HAO1: variants seen among roughly 807,000 people sequenced by gnomAD.
HAO1 encodes the protein hydroxyacid oxidase 1, also known as 2-Hydroxyacid oxidase 1.
Under a neutral mutation model 39.7 loss-of-function variants are expected in HAO1, and 34 were observed. The observed-to-expected ratio is 0.86, with a 90% CI of 0.65 to 1.14. The LOEUF (loss-of-function observed/expected upper bound fraction) is 1.14, where lower values mean the gene tolerates loss of function less well. HAO1 is among the 50% of genes most tolerant of loss of function. HAO1 has a pLI of 0.00. For synonymous variants in HAO1, 172 were observed against 173.2 expected (o/e 0.99, Z 0.05); for missense variants, 479 against 464.5 (o/e 1.03, Z -0.29).
chr20:7,895,654 C>G (rs1001637156), intron 4 of HAO1, among the ~76,000 whole-genome samples: 1 of 150,596 alleles, frequency 6.6e-6, no homozygotes, highest in Admixed American at 6.6e-5. Context: ...GTGGACAAAC[C>G]TATTTCAAAA....
intron 5 of HAO1, among the ~76,000 whole-genome samples, chr20:7,887,921 A>G (rs1416535698): frequency 1.3e-5 from 2 of 152,164 alleles, no homozygotes; most frequent in Non-Finnish European, 2.9e-5. Context: ...CTGCAGTTTT[A>G]CTAGGTGTAT....
Position 7,911,169 on chromosome 20 carries a change from G to A in HAO1, c.545+2995C>T, listed in dbSNP as rs570967210. Among the ~76,000 whole-genome samples, 93 of 152,302 alleles carry A rather than the reference G, an allele frequency of 6.1e-4. 2 individuals are homozygous for A. The South Asian group carries it at 0.017, about 28-fold the overall frequency. On this transcript the variant is annotated intron_variant, in intron 3 of 7. Coordinates refer to ENST00000378789, the MANE Select transcript of HAO1 (RefSeq NM_017545.3). ...TACGCAGTGAGGCAGAGGTCATGGA[G>A]ACCTATTCACATTGAGTCTACTTTA...
At chr20:7,897,952 G>T (rs934312612) in intron 4 of HAO1, among the ~76,000 whole-genome samples, 4 of 152,090 alleles carry the variant, frequency 2.6e-5, no homozygotes, top group African/African-American at 9.7e-5. Context: ...GTAAGAAAAT[G>T]CAGGAAATGT....
At position 7,940,401 on chromosome 20, in the gene HAO1, T is replaced by C. The variant is rs369406179; in HGVS notation, c.22A>G (p.Ile8Val). 1.9e-6 allele frequency: 3 copies of C among 1,610,478 alleles called. No individual in the cohort carries two copies. The highest frequency in any genetic ancestry group is 2.5e-6 in the Non-Finnish European group (3 of 1,178,982). ...TTAGCATGTTGTTCATAATCATTGA[T>C]ACAAATTAGCCGGGGGAGCATTTTC... is the stretch of plus-strand genomic sequence containing the variant. MLPRLIC[I>V]NDYEQHAKSV... Residue 8 changes from isoleucine to valine, a missense_variant, in exon 1 of 8, where the codon ATC becomes GTC. Ile to Val is a conservative substitution (Grantham distance 29). Coordinates refer to ENST00000378789, the MANE Select transcript of HAO1 (RefSeq NM_017545.3).
At chr20:7,934,325 G>A (rs1212736305) in intron 2 of HAO1, among the ~76,000 whole-genome samples, 159 bp downstream of exon 2, 2 of 152,212 alleles carry the variant, frequency 1.3e-5, no homozygotes, top group African/African-American at 2.4e-5. Context: ...AAGAAGAGGA[G>A]CAGGACATGC....
chr20:7,884,965 G>T (rs1295647142), intron 7 of HAO1, among the ~76,000 whole-genome samples: 6 of 152,190 alleles, frequency 3.9e-5, no homozygotes, highest in Non-Finnish European at 8.8e-5. Context: ...CCAGGGCGGT[G>T]GCAGTGGAGA....
intron 2 of HAO1, among the ~76,000 whole-genome samples, chr20:7,921,809 A>G (rs1028541806): frequency 2.0e-5 from 3 of 152,178 alleles, no homozygotes; most frequent in African/African-American, 7.2e-5. Context: ...TTGCACCAAC[A>G]TGGATGCAGC....
intron 1 of HAO1, among the ~76,000 whole-genome samples, chr20:7,936,547 T>TGTGTGTGTGTGTG (rs751822933): frequency 1.1e-3 from 152 of 136,590 alleles, no homozygotes; most frequent in South Asian, 1.7e-3. Context: ...TGTGTGTGTG[T>TGTGTGTGTGTGTG]TCGCGCGCGC....
chr20:7,908,387 T>C (rs1374354673), intron 3 of HAO1, among the ~76,000 whole-genome samples: 1 of 143,956 alleles, frequency 6.9e-6, no homozygotes, highest in Non-Finnish European at 1.5e-5. Flanking sequence ...AGACTCTGTC[T>C]CAAAATAAAA....
At chr20:7,909,365 ATATATATATATATG>A (rs1434905888) in intron 3 of HAO1, among the ~76,000 whole-genome samples, 8 of 96,028 alleles carry the variant, frequency 8.3e-5, no homozygotes, top group African/African-American at 5.1e-4. Context: ...TATGACATAT[ATATATATATATATG>A]TATATATATA....
chr20:7,919,897 T>C (rs1328022802), intron 2 of HAO1, among the ~76,000 whole-genome samples: 1 of 152,218 alleles, frequency 6.6e-6, no homozygotes, highest in Non-Finnish European at 1.5e-5. Flanking sequence ...TTTATATTTA[T>C]TTTTAATTGG....
At chr20:7,895,556 A>G (rs2050193359) in intron 4 of HAO1, among the ~76,000 whole-genome samples, 1 of 152,118 alleles carries the variant, frequency 6.6e-6, no homozygotes, top group East Asian at 1.9e-4. Flanking sequence ...ATACCATTTT[A>G]TCATTTAGCA....
At chr20:7,920,643 T>G (rs920681696) in intron 2 of HAO1, among the ~76,000 whole-genome samples, 5 of 152,236 alleles carry the variant, frequency 3.3e-5, no homozygotes, top group East Asian at 1.9e-4. Context: ...GAGACCTACC[T>G]TTTTAGATTC....
chr20:7,911,130 G>A (rs900766274), intron 3 of HAO1, among the ~76,000 whole-genome samples: 4 of 152,210 alleles, frequency 2.6e-5, no homozygotes, highest in African/African-American at 7.2e-5. Flanking sequence ...AAGAGTGGGT[G>A]AGGATGTGAG....
At chr20:7,903,134 G>A (rs2050228308) in intron 4 of HAO1, among the ~76,000 whole-genome samples, 1 of 152,194 alleles carries the variant, frequency 6.6e-6, no homozygotes. Flanking sequence ...GATCCAGATT[G>A]AGCATATGTG....
chr20:7,898,973 A>C (rs1002802709), intron 4 of HAO1, among the ~76,000 whole-genome samples: 1 of 152,054 alleles, frequency 6.6e-6, no homozygotes, highest in African/African-American at 2.4e-5. Flanking sequence ...AAACCACTTA[A>C]ACATAGACAA....
At position 7,914,365 on chromosome 20, in the gene HAO1, A is replaced by G. The variant is rs759078643; in HGVS notation, c.344T>C (p.Ile115Thr). Reference protein sequence around the residue: ...MMLSSWATSSIEEVAEAGPEA... With the variant: ...MMLSSWATSSTEEVAEAGPEA... ...AGGACCAGCTTCCGCCACTTCTTCA[A>G]TTGAGGAGGTGGCCCAGGAACTCAA... The change falls in exon 3 of 8, where the codon ATT (isoleucine) becomes ACT (threonine). Residue 115 changes from isoleucine (I) to threonine (T), a missense_variant. Coordinates refer to ENST00000378789, the MANE Select transcript of HAO1 (RefSeq NM_017545.3). The G allele has an allele frequency of 1.2e-6, 2 of 1,613,952 alleles. No individual in the cohort carries two copies.
intron 4 of HAO1, among the ~76,000 whole-genome samples, chr20:7,898,838 G>A (rs1037788132): frequency 6.6e-6 from 1 of 151,678 alleles, no homozygotes; most frequent in African/African-American, 2.4e-5. Flanking sequence ...AAAAACCTAG[G>A]TGTAGTCATA....
In HAO1 at chr20:7,933,712, A is replaced by G. The variant is rs6133515; in HGVS notation, c.289+772T>C. Reference sequence around the variant, plus strand: ...CTTTTTCTGCTCTGCTTAGCATCAAAATAATTCATTTCCAACTTTTATATT... The same window carrying G: ...CTTTTTCTGCTCTGCTTAGCATCAAGATAATTCATTTCCAACTTTTATATT... On this transcript the variant is annotated intron_variant, in intron 2 of 7. Coordinates refer to ENST00000378789, the MANE Select transcript of HAO1 (RefSeq NM_017545.3). Among the ~76,000 whole-genome samples the G allele has an allele frequency of 7.8e-4, 119 of 152,328 alleles. 2 individuals carry two copies. In the East Asian group the frequency reaches 0.018, roughly 23 times the overall value.
Sources: allele counts gnomAD v4.1 joint callset (sites outside exome capture counted in the v4.1 genomes callset), GRCh38; gene constraint gnomAD v4.1.1; transcripts MANE v1.5; gene names NCBI Gene and HGNC (gene_info 2026-07-23, HGNC 2026-07-21).